CSRP3: variants seen among roughly 807,000 people sequenced by gnomAD.
The protein encoded by CSRP3 is cysteine and glycine-rich protein 3.
CSRP3 carries 24 observed loss-of-function variants against 24.3 expected under a neutral mutation model. The observed-to-expected ratio is 0.99, with a 90% CI of 0.71 to 1.39. The LOEUF is 1.39. Among genes scored for constraint, CSRP3 ranks in the 40% most tolerant of loss-of-function variants. The pLI, the probability that CSRP3 is intolerant of heterozygous loss-of-function variation, is 0.00. For missense variants in CSRP3, 240 were observed against 249.0 expected (o/e 0.96, Z 0.24); for synonymous variants, 105 against 94.0 (o/e 1.12, Z -0.68).
intron 3 of CSRP3, among the ~76,000 whole-genome samples, chr11:19,186,868 G>T (rs3781800): frequency 0.18 from 28,114 of 152,218 alleles, 2,733 homozygotes; most frequent in Middle Eastern, 0.22. Context: ...GCCTCCAAGG[G>T]TCACCTGTCC....
chr11:19,196,096 CT>C (rs1590107747), intron 1 of CSRP3, among the ~76,000 whole-genome samples: 1 of 152,118 alleles, frequency 6.6e-6, no homozygotes, highest in East Asian at 1.9e-4. Flanking sequence ...AACCCCATCT[CT>C]ACTAAAAATA....
chr11:19,194,084 C>A (rs185344421), intron 1 of CSRP3, among the ~76,000 whole-genome samples: 2 of 152,146 alleles, frequency 1.3e-5, no homozygotes, highest in East Asian at 3.9e-4. Context: ...TTCTGGGAAG[C>A]CAGTCACCTT....
At position 19,193,139 on chromosome 11, in the gene CSRP3, G is replaced by T. The variant is rs186784879; in HGVS notation, c.-28-663C>A. Among the ~76,000 whole-genome samples the T allele has an allele frequency of 4.2e-4, 64 of 152,176 alleles. 1 individual carries two copies. Among genetic ancestry groups the T allele is most frequent in the Admixed American group, 3.7e-3 (57 of 15,286 alleles). On this transcript the variant is annotated intron_variant, in intron 1 of 5. Transcript: ENST00000265968. ...CCTTTTTAAGAATATAATCACCTAG[G>T]CTATAAGATATATTGGCACTACACT...
intron 1 of CSRP3, among the ~76,000 whole-genome samples, chr11:19,193,275 G>A (rs1196769274): frequency 6.6e-6 from 1 of 151,992 alleles, no homozygotes; most frequent in Non-Finnish European, 1.5e-5. Context: ...CACCTATACA[G>A]TTATTCTTTT....
chr11:19,192,350 C>T lies in CSRP3; in HGVS notation c.99G>A (p.Thr33=), dbSNP rs147549410. Residue 33 remains threonine (T), a synonymous_variant, in exon 2 of 6, where the codon ACG becomes ACA. Coordinates refer to ENST00000265968, the MANE Select transcript of CSRP3 (RefSeq NM_003476.5). ...IQCNGRSFHK[T]CFHCMACRKA... is the part of the protein sequence containing the mutation. ...CACCCAACTCACTGCAGTGGAAACA[C>T]GTCTTGTGGAAACTCCTTCCATTGC... The T allele has an allele frequency of 1.4e-5, 22 of 1,613,690 alleles. No homozygotes were observed. Among genetic ancestry groups the T allele is most frequent in the East Asian group, 4.5e-5 (2 of 44,890 alleles).
chr11:19,184,270 G>A (rs1011856276), intron 5 of CSRP3, among the ~76,000 whole-genome samples: 1 of 152,160 alleles, frequency 6.6e-6, no homozygotes, highest in Non-Finnish European at 1.5e-5. Context: ...AATAGGCCTA[G>A]GCTCAGGGGT....
chr11:19,189,166 C>T (rs769843729), intron 2 of CSRP3, among the ~76,000 whole-genome samples: 1 of 152,158 alleles, frequency 6.6e-6, no homozygotes, highest in Non-Finnish European at 1.5e-5. Flanking sequence ...TCTTCAACAT[C>T]GGCATCTCCC....
At chr11:19,195,638 G>T (rs1390436746) in intron 1 of CSRP3, among the ~76,000 whole-genome samples, 1 of 152,138 alleles carries the variant, frequency 6.6e-6, no homozygotes, top group Admixed American at 6.5e-5. Context: ...GGCATGTCTT[G>T]CAAGTTAATA....
chr11:19,193,206 C>T (rs929613727), intron 1 of CSRP3, among the ~76,000 whole-genome samples: 1 of 152,168 alleles, frequency 6.6e-6, no homozygotes, highest in African/African-American at 2.4e-5. Context: ...TCAGGGCTAC[C>T]CTCTACCTGC....
Position 19,188,229 on chromosome 11 carries a change from C to T in CSRP3, c.188G>A (p.Gly63Glu), listed in dbSNP as rs1488696683. 1 of 1,613,470 alleles carries T rather than the reference C, an allele frequency of 6.2e-7. No individual in the cohort carries two copies. Among genetic ancestry groups the T allele is most frequent in the African/African-American group, 1.3e-5 (1 of 74,904 alleles). The change falls in exon 3 of 6, where the codon GGG becomes GAG. Residue 63 changes from glycine to glutamate, a missense_variant. Gly to Glu is a moderately conservative substitution (Grantham distance 98). Transcript: ENST00000265968. ...ESEIYCKVCYGRRYGPKGIGY... is the reference protein window; with the variant it reads ...ESEIYCKVCYERRYGPKGIGY... ...GATCCCTTTGGGGCCATATCTGCGC[C>T]CATAGCACACCTTGCAGTAGATCTC...
intron 1 of CSRP3, among the ~76,000 whole-genome samples, chr11:19,197,418 CTT>C: frequency 8.4e-6 from 1 of 118,600 alleles, no homozygotes; most frequent in South Asian, 3.3e-4. Flanking sequence ...TCCTTCCTTC[CTT>C]CCTTCCTTCC....
In CSRP3 at chr11:19,182,747, CTG is replaced by C. The variant is rs397516858; in HGVS notation, c.509-3_509-2del. On this transcript the variant is annotated splice_acceptor_variant and splice_polypyrimidine_tract_variant and intron_variant, in intron 5 of 5. Coordinates refer to ENST00000265968, the MANE Select transcript of CSRP3 (RefSeq NM_003476.5). LOFTEE classifies it high-confidence loss of function. Reference sequence around the variant, plus strand: ...GGGCCAAAATTTTTGGCATAGCAAACTGTGAATGAGAAGAGGATGAAGGGAGA... The same window carrying C: ...GGGCCAAAATTTTTGGCATAGCAAACTGAATGAGAAGAGGATGAAGGGAGA... 106 of 1,611,244 alleles carry C rather than the reference CTG, an allele frequency of 6.6e-5. No individual in the cohort carries two copies. Among genetic ancestry groups the C allele is most frequent in the Middle Eastern group, 1.6e-4 (1 of 6,074 alleles).
At chr11:19,189,153 G>A (rs1665120824) in intron 2 of CSRP3, among the ~76,000 whole-genome samples, 1 of 152,080 alleles carries the variant, frequency 6.6e-6, no homozygotes, top group African/African-American at 2.4e-5. Context: ...TTCTGTCTTT[G>A]CATCTTCAAC....
intron 4 of CSRP3, among the ~76,000 whole-genome samples, chr11:19,185,943 T>C (rs1317798677): frequency 1.3e-5 from 2 of 152,094 alleles, no homozygotes; most frequent in Non-Finnish European, 2.9e-5. Flanking sequence ...GACGGGCTTT[T>C]GCTTTGTATC....
intron 3 of CSRP3, among the ~76,000 whole-genome samples, chr11:19,187,917 G>A (rs564638067): frequency 3.9e-5 from 6 of 152,330 alleles, no homozygotes; most frequent in Admixed American, 2.6e-4. Context: ...GAGCCATGGT[G>A]TAAAAGTAAT....
At chr11:19,186,161 C>A (rs1850520925) in intron 4 of CSRP3, 55 bp downstream of exon 4, 1 of 1,613,232 alleles carries the variant, frequency 6.2e-7, no homozygotes, top group African/African-American at 1.3e-5. Context: ...TCATTCCTCC[C>A]AAATGGCCTG....
At position 19,192,392 on chromosome 11, in the gene CSRP3, A is replaced by G. The variant is rs1310682798; in HGVS notation, c.57T>C (p.His19=). The change falls in exon 2 of 6, where the codon CAT becomes CAC. Residue 19 remains histidine (H), a synonymous_variant. Coordinates refer to ENST00000265968, the MANE Select transcript of CSRP3 (RefSeq NM_003476.5). ...TTCCATTGCACTGGATTTCTTCTGC[A>G]TGGTAGACGGTCTTTTCACAGGCTC... ...KCGACEKTVY[H]AEEIQCNGRS... is the part of the protein sequence containing the mutation. 1.2e-6 allele frequency: 2 copies of G among 1,614,244 alleles called. No homozygotes were observed. The highest frequency in any genetic ancestry group is 2.2e-5 in the East Asian group (1 of 44,882).
intron 3 of CSRP3, among the ~76,000 whole-genome samples, chr11:19,187,045 G>A (rs138593505): frequency 6.6e-6 from 1 of 152,280 alleles, no homozygotes; most frequent in Non-Finnish European, 1.5e-5. Flanking sequence ...CCAAGGCCAG[G>A]CAGCTCATGA....
intron 1 of CSRP3, among the ~76,000 whole-genome samples, chr11:19,195,612 C>T (rs914264555): frequency 6.6e-6 from 1 of 152,044 alleles, no homozygotes; most frequent in African/African-American, 2.4e-5. Context: ...TTCAGATTTG[C>T]AGTGGAGATT....
Sources: allele counts gnomAD v4.1 joint callset (sites outside exome capture counted in the v4.1 genomes callset), GRCh38; gene constraint gnomAD v4.1.1; transcripts MANE v1.5; gene names NCBI Gene and HGNC (gene_info 2026-07-23, HGNC 2026-07-21).